Variants in CLASP1 observed in about 807,000 individuals in gnomAD.
The protein encoded by CLASP1 is cytoplasmic linker associated protein 1, also known as CLIP-associating protein 1.
Under a neutral mutation model 192.3 loss-of-function variants are expected in CLASP1, and 38 were observed. The ratio of observed to expected loss-of-function variants is 0.20; its 90% CI spans 0.15 to 0.26. The LOEUF (loss-of-function observed/expected upper bound fraction) is 0.26. Ranked by LOEUF, CLASP1 falls within the 10% of genes least tolerant of loss-of-function variation. The pLI, the probability that CLASP1 is intolerant of heterozygous loss-of-function variation, is 1.00. For synonymous variants in CLASP1, 691 were observed against 712.8 expected, an observed-to-expected ratio of 0.97 and a Z score of 0.49; for missense variants, 1,433 against 1,932.5, an observed-to-expected ratio of 0.74 and a Z score of 4.85.
chr2:121,628,961 T>C (rs889214139), intron 1 of CLASP1, among the ~76,000 whole-genome samples: 4 of 151,984 alleles, frequency 2.6e-5, no homozygotes, highest in African/African-American at 9.7e-5. Flanking sequence ...TTTTTTTTAA[T>C]TCTTTTTTCT....
intron 2 of CLASP1, chr2:121,531,106 G>C (rs1022495362): frequency 4.7e-6 from 3 of 640,392 alleles, no homozygotes; most frequent in South Asian, 1.6e-5. Context: ...CACAAGACGC[G>C]TGGTTTTAGT....
At chr2:121,583,399 G>A (rs1338789742) in intron 2 of CLASP1, among the ~76,000 whole-genome samples, 1 of 152,168 alleles carries the variant, frequency 6.6e-6, no homozygotes, top group African/African-American at 2.4e-5. Context: ...AGGAGTCCCA[G>A]AGCTAACTAA....
intron 1 of CLASP1, among the ~76,000 whole-genome samples, chr2:121,647,387 A>C (rs2073368330): frequency 6.6e-6 from 1 of 152,186 alleles, no homozygotes. Flanking sequence ...AAATAAAAAT[A>C]AATAATAAAT....
chr2:121,371,835 C>G (rs1310395962), intron 34 of CLASP1, among the ~76,000 whole-genome samples: 1 of 152,192 alleles, frequency 6.6e-6, no homozygotes, highest in East Asian at 1.9e-4. Flanking sequence ...GTTCTTCTCT[C>G]CACTGGCCCT....
intron 21 of CLASP1, among the ~76,000 whole-genome samples, chr2:121,426,723 T>C (rs2080450915): frequency 6.6e-6 from 1 of 152,122 alleles, no homozygotes; most frequent in Non-Finnish European, 1.5e-5. Context: ...AACTGGAAAT[T>C]AAAAACAAAT....
At chr2:121,548,381 G>A (rs1027487906) in intron 2 of CLASP1, among the ~76,000 whole-genome samples, 1 of 152,104 alleles carries the variant, frequency 6.6e-6, no homozygotes, top group African/African-American at 2.4e-5. Flanking sequence ...AAAGAATAAG[G>A]AATGAACAAA....
At position 121,348,021 on chromosome 2, in the gene CLASP1, CT is replaced by C. The variant is rs571457568; in HGVS notation, c.4413+490del. Among the ~76,000 whole-genome samples the C allele has an allele frequency of 5.6e-3, 819 of 146,264 alleles. 7 individuals are homozygous for C. Among genetic ancestry groups the C allele is most frequent in the African/African-American group, 0.019 (754 of 39,514 alleles). On this transcript the variant is annotated intron_variant, in intron 38 of 39. Transcript: ENST00000263710. The stretch of plus-strand genomic sequence containing the variant: ...GTGACACCTGTCATTGTCTGTGTGG[CT>C]GCAGAGTAGGCTGAAAATCCTCTGA...
intron 6 of CLASP1, 28 bp from the exon 7 acceptor site, chr2:121,515,790 C>T (rs754060864): frequency 6.3e-7 from 1 of 1,591,524 alleles, no homozygotes; most frequent in Non-Finnish European, 8.6e-7. Flanking sequence ...GATCTTACAG[C>T]TGCTCTGTGT....
intron 2 of CLASP1, among the ~76,000 whole-genome samples, chr2:121,580,786 C>T (rs1228011770): frequency 6.6e-6 from 1 of 152,104 alleles, no homozygotes; most frequent in African/African-American, 2.4e-5. Context: ...CTTGGACACA[C>T]AACGCATGCA....
chr2:121,451,706 A>C, intron 15 of CLASP1, 84 bp downstream of exon 15: 1 of 1,060,744 alleles, frequency 9.4e-7, no homozygotes, highest in South Asian at 1.4e-5. Context: ...CCATTCTTAC[A>C]GAAAGCCAGC....
At chr2:121,535,736 T>C (rs1471732026) in intron 2 of CLASP1, among the ~76,000 whole-genome samples, 1 of 151,466 alleles carries the variant, frequency 6.6e-6, no homozygotes, top group African/African-American at 2.4e-5. Context: ...GCAACCTCCA[T>C]CTCCCAGCTT....
exon 35 of CLASP1, chr2:121,367,785 C>G (rs201624831): frequency 6.2e-6 from 10 of 1,613,788 alleles, no homozygotes; most frequent in Middle Eastern, 1.6e-4. Flanking sequence ...TTCACTACCC[C>G]CCCGGCCCTC....
chr2:121,386,144 G>A (rs1251013884), intron 32 of CLASP1, among the ~76,000 whole-genome samples: 1 of 152,182 alleles, frequency 6.6e-6, no homozygotes, highest in Non-Finnish European at 1.5e-5. Flanking sequence ...GAAGAAGTGT[G>A]GGAGATTCTT....
chr2:121,526,003 C>T (rs2094565464), intron 5 of CLASP1, 83 bp from the exon 6 acceptor site: 36 of 928,366 alleles, frequency 3.9e-5, no homozygotes, highest in South Asian at 2.9e-4. Flanking sequence ...CTGCCCTTCC[C>T]GTGTCTCCCC....
chr2:121,458,027 TG>T (rs1307102575), intron 13 of CLASP1, among the ~76,000 whole-genome samples: 1 of 152,190 alleles, frequency 6.6e-6, no homozygotes, highest in Non-Finnish European at 1.5e-5. Context: ...TGTAGACATC[TG>T]AGTGGGTTTA....
chr2:121,565,069 G>A (rs1323881913), intron 2 of CLASP1, among the ~76,000 whole-genome samples: 10 of 152,212 alleles, frequency 6.6e-5, no homozygotes. Context: ...ATTCTGTGAT[G>A]AGATGAAAGT....
At chr2:121,581,281 T>C (rs1237699874) in intron 2 of CLASP1, among the ~76,000 whole-genome samples, 1 of 138,742 alleles carries the variant, frequency 7.2e-6, no homozygotes, top group Non-Finnish European at 1.5e-5. Context: ...TTTTTTTTTT[T>C]TTTTGAGATG....
intron 2 of CLASP1, among the ~76,000 whole-genome samples, chr2:121,566,570 C>T (rs2059521957): frequency 6.6e-6 from 1 of 152,170 alleles, no homozygotes; most frequent in African/African-American, 2.4e-5. Flanking sequence ...AGATTCAAAG[C>T]TCCAAAACAG....
intron 20 of CLASP1, 67 bp downstream of exon 20, chr2:121,430,006 T>C (rs2081116866): frequency 3.3e-6 from 4 of 1,211,104 alleles, no homozygotes; most frequent in African/African-American, 1.5e-5. Context: ...GATTGTAAAA[T>C]GTTCAACTGC....
Sources: gnomAD v4.1 joint callset for allele counts (sites outside exome capture counted in the v4.1 genomes callset) on GRCh38, gnomAD v4.1.1 for gene constraint, MANE v1.5 for transcripts, NCBI Gene and HGNC (gene_info 2026-07-23, HGNC 2026-07-21) for gene names.